The following LUZP2 variants were observed in gnomAD, a reference collection of about 807,000 sequenced individuals.
LUZP2 encodes leucine zipper protein 2.
LUZP2 carries 52 observed loss-of-function variants against 51.6 expected under a neutral mutation model. That is an observed-to-expected ratio of 1.01 (90% CI 0.81 to 1.27). The LOEUF (loss-of-function observed/expected upper bound fraction) is 1.27. Ranked by LOEUF, LUZP2 falls within the 50% of genes most tolerant of loss-of-function variation. The probability of loss-of-function intolerance (pLI) is 0.00; values close to 1 mark genes in which losing one functional copy is unlikely to be tolerated. For missense variants in LUZP2, 436 were observed against 395.4 expected (o/e 1.10, Z -0.87); for synonymous variants, 154 against 137.3 (o/e 1.12, Z -0.85).
At chr11:24,562,557 TAAAG>T (rs1852080162) in intron 1 of LUZP2, among the ~76,000 whole-genome samples, 1 of 151,124 alleles carries the variant, frequency 6.6e-6, no homozygotes, top group South Asian at 2.1e-4. Flanking sequence ...ATAGGGACAA[TAAAG>T]AAAGGTTATA....
At chr11:24,774,362 C>CTCTCTATA (rs776739280) in intron 5 of LUZP2, among the ~76,000 whole-genome samples, 74 of 76,316 alleles carry the variant, frequency 9.7e-4, no homozygotes, top group African/African-American at 1.3e-3. Flanking sequence ...CTCTCTCTCT[C>CTCTCTATA]TATATATATA....
rs544053805 is a variant in LUZP2, at chr11:24,653,116, G to T, written c.63-76053G>T. Among the ~76,000 whole-genome samples the T allele has an allele frequency of 3.3e-4, 50 of 152,242 alleles. 2 individuals carry two copies. The South Asian group carries it at 0.01, about 32-fold the overall frequency. ...TCTAAGATGGTAAGCACTTATCTGA[G>T]AATAGACTCTCAGTGGGACAAGTGA... On this transcript the variant is annotated intron_variant, in intron 1 of 11. Transcript: ENST00000336930.
intron 9 of LUZP2, among the ~76,000 whole-genome samples, chr11:25,040,801 A>T (rs967226362): frequency 1.3e-5 from 2 of 152,228 alleles, no homozygotes; most frequent in Non-Finnish European, 2.9e-5. Flanking sequence ...CTAGGAAATT[A>T]AATGAAGTCA....
intron 1 of LUZP2, among the ~76,000 whole-genome samples, chr11:24,539,460 C>T (rs923911644): frequency 7.2e-5 from 11 of 151,972 alleles, no homozygotes; most frequent in Non-Finnish European, 1.6e-4. Context: ...CTGATCTTCT[C>T]TAAGTACAGA....
chr11:24,846,173 T>C (rs1774128530), intron 5 of LUZP2, among the ~76,000 whole-genome samples: 1 of 151,192 alleles, frequency 6.6e-6, no homozygotes, highest in African/African-American at 2.4e-5. Context: ...GTTGATCATA[T>C]GATGATCATA....
At chr11:25,020,088 T>C (rs1857287094) in intron 9 of LUZP2, among the ~76,000 whole-genome samples, 1 of 152,218 alleles carries the variant, frequency 6.6e-6, no homozygotes, top group Admixed American at 6.6e-5. Context: ...ATCTTGAAAA[T>C]TTAACATATT....
At chr11:24,620,392 C>G (rs1253589209) in intron 1 of LUZP2, among the ~76,000 whole-genome samples, 1 of 152,046 alleles carries the variant, frequency 6.6e-6, no homozygotes, top group African/African-American at 2.4e-5. Context: ...GGTATTATAT[C>G]TTTCTACTTC....
chr11:24,602,124 A>ATGTATATG (rs1565020397), intron 1 of LUZP2, among the ~76,000 whole-genome samples: 2 of 114,774 alleles, frequency 1.7e-5, no homozygotes, highest in African/African-American at 7.1e-5. Flanking sequence ...ATATGTATAT[A>ATGTATATG]TGTATATGTG....
At chr11:24,979,639 C>T (rs554057316) in intron 8 of LUZP2, among the ~76,000 whole-genome samples, 278 of 151,898 alleles carry the variant, frequency 1.8e-3, no homozygotes, top group African/African-American at 6.2e-3. Flanking sequence ...AGCTAAGAAT[C>T]AGCCTTGAGT....
At chr11:25,042,966 A>G (rs1590868472) in intron 9 of LUZP2, among the ~76,000 whole-genome samples, 2 of 152,322 alleles carry the variant, frequency 1.3e-5, no homozygotes, top group South Asian at 4.1e-4. Context: ...AAATGAAGTC[A>G]TAATGGTGGG....
At chr11:24,645,049 A>C (rs1226933480) in intron 1 of LUZP2, among the ~76,000 whole-genome samples, 2 of 152,164 alleles carry the variant, frequency 1.3e-5, no homozygotes, top group Non-Finnish European at 2.9e-5. Context: ...CTTAATTTAA[A>C]TGTTTATTTT....
intron 7 of LUZP2, among the ~76,000 whole-genome samples, chr11:24,919,657 C>T (rs1362026263): frequency 6.7e-6 from 1 of 148,524 alleles, no homozygotes; most frequent in African/African-American, 2.4e-5. Flanking sequence ...TATGTTTATA[C>T]ATGCATACAT....
intron 9 of LUZP2, among the ~76,000 whole-genome samples, chr11:25,006,140 G>T (rs1473135437): frequency 6.6e-6 from 1 of 152,064 alleles, no homozygotes; most frequent in Non-Finnish European, 1.5e-5. Context: ...ATGTCTTTCT[G>T]ATTGGTGAGC....
intron 1 of LUZP2, among the ~76,000 whole-genome samples, chr11:24,658,269 C>T (rs529148731): frequency 9.3e-4 from 142 of 152,216 alleles, no homozygotes; most frequent in African/African-American, 3.3e-3. Flanking sequence ...GAAATAATGC[C>T]GCCTATCTAC....
At chr11:24,504,594 C>A (rs1176436764) in intron 1 of LUZP2, among the ~76,000 whole-genome samples, 2 of 152,018 alleles carry the variant, frequency 1.3e-5, no homozygotes, top group Non-Finnish European at 2.9e-5. Flanking sequence ...CATAGCTGTG[C>A]CTTGTAGTCC....
intron 1 of LUZP2, among the ~76,000 whole-genome samples, chr11:24,645,059 T>C (rs1288290475): frequency 2.0e-5 from 3 of 152,222 alleles, no homozygotes; most frequent in Admixed American, 2.0e-4. Context: ...ATGTTTATTT[T>C]ACATTCCAAT....
At chr11:24,955,766 C>A (rs1855194948) in intron 7 of LUZP2, among the ~76,000 whole-genome samples, 1 of 151,990 alleles carries the variant, frequency 6.6e-6, no homozygotes, top group African/African-American at 2.4e-5. Flanking sequence ...TGTAGACAAA[C>A]AAACTTAATG....
intron 5 of LUZP2, among the ~76,000 whole-genome samples, chr11:24,816,481 T>G (rs947698262): frequency 2.6e-5 from 4 of 152,020 alleles, no homozygotes; most frequent in Middle Eastern, 3.2e-3. Context: ...ACTTATGGAA[T>G]TGAAATGTTG....
chr11:24,706,266 C>T (rs1857579739), intron 1 of LUZP2, among the ~76,000 whole-genome samples: 1 of 152,056 alleles, frequency 6.6e-6, no homozygotes. Context: ...GATAAAACTG[C>T]ATAACGTTTA....
Sources: gnomAD v4.1 joint callset for allele counts (sites outside exome capture counted in the v4.1 genomes callset) on GRCh38, gnomAD v4.1.1 for gene constraint, MANE v1.5 for transcripts, NCBI Gene and HGNC (gene_info 2026-07-23, HGNC 2026-07-21) for gene names.